The following AFG1L variants were observed in gnomAD, a reference collection of about 807,000 sequenced individuals.
AFG1L encodes the protein AFG1-like ATPase.
A neutral mutation model predicts 62.2 loss-of-function variants in AFG1L; 53 were observed. The observed-to-expected ratio is 0.85, with a 90% confidence interval of 0.68 to 1.07. AFG1L has a LOEUF of 1.07. Ranked by LOEUF, AFG1L falls within the 50% of genes least tolerant of loss-of-function variation. The pLI, the probability that AFG1L is intolerant of heterozygous loss-of-function variation, is 0.00. For synonymous variants in AFG1L, 228 were observed against 210.3 expected, an observed-to-expected ratio of 1.08 and a Z score of -0.73; for missense variants, 555 against 590.5, an observed-to-expected ratio of 0.94 and a Z score of 0.62.
intron 7 of AFG1L, among the ~76,000 whole-genome samples, chr6:108,435,313 G>C (rs1489900354): frequency 6.6e-6 from 1 of 152,214 alleles, no homozygotes; most frequent in Non-Finnish European, 1.5e-5. Context: ...CTGGGCATGG[G>C]AACCACTGGG....
chr6:108,497,178 A>G (rs979329309), intron 10 of AFG1L, among the ~76,000 whole-genome samples: 2 of 152,214 alleles, frequency 1.3e-5, no homozygotes, highest in Non-Finnish European at 2.9e-5. Flanking sequence ...GTTTTCAGGA[A>G]CAACTAAACT....
At chr6:108,455,036 A>G (rs1772199189) in intron 8 of AFG1L, among the ~76,000 whole-genome samples, 1 of 152,212 alleles carries the variant, frequency 6.6e-6, no homozygotes, top group Admixed American at 6.5e-5. Context: ...TGTCTGGCTA[A>G]TTCCTCAGTC....
intron 2 of AFG1L, among the ~76,000 whole-genome samples, chr6:108,338,039 A>G (rs1778536028): frequency 6.6e-6 from 1 of 152,138 alleles, no homozygotes; most frequent in Non-Finnish European, 1.5e-5. Context: ...TGTAAAAATT[A>G]GCTGGGCATG....
At chr6:108,339,015 A>G (rs9486860) in intron 2 of AFG1L, among the ~76,000 whole-genome samples, 16,073 of 152,120 alleles carry the variant, frequency 0.11, 2,401 homozygotes, top group African/African-American at 0.33. Context: ...GATTTTTGCC[A>G]TGATGGTATT....
At chr6:108,422,497 A>AAAAAAAAAAAAAG (rs1554196482) in intron 7 of AFG1L, among the ~76,000 whole-genome samples, 1 of 147,718 alleles carries the variant, frequency 6.8e-6, no homozygotes, top group African/African-American at 2.5e-5. Context: ...AAAAAAAAAA[A>AAAAAAAAAAAAAG]AAGAAGAAGA....
At chr6:108,301,773 G>A (rs186214750) in intron 1 of AFG1L, among the ~76,000 whole-genome samples, 105 of 152,256 alleles carry the variant, frequency 6.9e-4, no homozygotes, top group African/African-American at 2.4e-3. Flanking sequence ...CTGATGTGGG[G>A]TTGCTAGGTG....
chr6:108,485,656 ATTTTTTTTTTT>A (rs397842829), intron 10 of AFG1L, among the ~76,000 whole-genome samples: 32 of 25,012 alleles, frequency 1.3e-3, no homozygotes, highest in East Asian at 3.1e-3. Flanking sequence ...ATATATATAT[ATTTTTTTTTTT>A]TTTTTTTTTT....
intron 1 of AFG1L, among the ~76,000 whole-genome samples, chr6:108,298,346 A>G (rs996745606): frequency 1.2e-4 from 18 of 149,746 alleles, no homozygotes; most frequent in Non-Finnish European, 2.4e-4. Flanking sequence ...GCTCATTGCA[A>G]CCTCTGCCTC....
chr6:108,411,680 C>T (rs1434962379), intron 7 of AFG1L, among the ~76,000 whole-genome samples: 2 of 152,234 alleles, frequency 1.3e-5, no homozygotes, highest in African/African-American at 4.8e-5. Context: ...TCCAACAGAC[C>T]TGCAGCTGAG....
At chr6:108,372,774 A>T (rs377586405) in intron 6 of AFG1L, 31 of 154,548 alleles carry the variant, frequency 2.0e-4, no homozygotes, top group African/African-American at 7.2e-4. Context: ...CCCAATCTTC[A>T]TATGCTGTCC....
chr6:108,394,708 T>C (rs1020686582), intron 6 of AFG1L, among the ~76,000 whole-genome samples: 1 of 152,238 alleles, frequency 6.6e-6, no homozygotes, highest in Admixed American at 6.5e-5. Flanking sequence ...TGGCACAATT[T>C]GTTTATCCAT....
At chr6:108,436,432 C>T (rs1395965691) in intron 7 of AFG1L, among the ~76,000 whole-genome samples, 2 of 151,868 alleles carry the variant, frequency 1.3e-5, no homozygotes, top group South Asian at 2.1e-4. Flanking sequence ...TGTGAGCCAC[C>T]GCACCCGGCT....
At chr6:108,466,557 A>G (rs1772671224) in intron 8 of AFG1L, among the ~76,000 whole-genome samples, 1 of 151,904 alleles carries the variant, frequency 6.6e-6, no homozygotes, top group African/African-American at 2.4e-5. Flanking sequence ...TTCTCATAAG[A>G]AAAGGCAGAG....
chr6:108,494,540 G>A (rs1490991485), intron 10 of AFG1L, among the ~76,000 whole-genome samples: 1 of 152,012 alleles, frequency 6.6e-6, no homozygotes, highest in Non-Finnish European at 1.5e-5. Context: ...TTGAGACTGT[G>A]TAAATCAAAT....
intron 6 of AFG1L, among the ~76,000 whole-genome samples, chr6:108,382,457 A>G (rs1177655818): frequency 1.3e-5 from 2 of 152,206 alleles, no homozygotes; most frequent in East Asian, 3.8e-4. Context: ...AAAGTTGGCT[A>G]ACAGTTATGG....
At chr6:108,505,372 A>G (rs903184399) in intron 10 of AFG1L, among the ~76,000 whole-genome samples, 2 of 152,140 alleles carry the variant, frequency 1.3e-5, no homozygotes, top group Non-Finnish European at 2.9e-5. Flanking sequence ...GATTACAGGC[A>G]TGAACCACTG....
At chr6:108,309,385 A>G (rs1175268659) in intron 1 of AFG1L, among the ~76,000 whole-genome samples, 1 of 152,158 alleles carries the variant, frequency 6.6e-6, no homozygotes, top group Non-Finnish European at 1.5e-5. Flanking sequence ...CTAACTCTGT[A>G]GCTTTATAAT....
chr6:108,413,643 T>A (rs1266764677), intron 7 of AFG1L, among the ~76,000 whole-genome samples: 2 of 152,122 alleles, frequency 1.3e-5, no homozygotes, highest in South Asian at 4.2e-4. Flanking sequence ...ACATGGAAAC[T>A]GAACAACCTG....
chr6:108,418,259 C>G (rs1770416824), intron 7 of AFG1L, among the ~76,000 whole-genome samples: 1 of 152,124 alleles, frequency 6.6e-6, no homozygotes, highest in South Asian at 2.1e-4. Flanking sequence ...GGCCTGCTGC[C>G]TGTTTTTATA....
Sources: allele counts gnomAD v4.1 joint callset (sites outside exome capture counted in the v4.1 genomes callset), GRCh38; gene constraint gnomAD v4.1.1; transcripts MANE v1.5; gene names NCBI Gene and HGNC (gene_info 2026-07-23, HGNC 2026-07-21).